Variants in TSPAN18 observed in about 807,000 individuals in gnomAD.
The protein encoded by TSPAN18 is tetraspanin-18.
Under a neutral mutation model 27.3 loss-of-function variants are expected in TSPAN18, and 14 were observed. The observed-to-expected ratio is 0.51, with a 90% CI of 0.34 to 0.80. The LOEUF (loss-of-function observed/expected upper bound fraction) is 0.80. Ranked by LOEUF, TSPAN18 falls within the 30% of genes least tolerant of loss-of-function variation. The pLI, the probability that TSPAN18 is intolerant of heterozygous loss-of-function variation, is 0.01. For synonymous variants in TSPAN18, 143 were observed against 136.5 expected, an observed-to-expected ratio of 1.05 and a Z score of -0.33; for missense variants, 268 against 323.9, an observed-to-expected ratio of 0.83 and a Z score of 1.32.
chr11:44,911,376 A>G (rs934330244), intron 5 of TSPAN18, among the ~76,000 whole-genome samples: 2 of 152,132 alleles, frequency 1.3e-5, no homozygotes, highest in Non-Finnish European at 1.5e-5. Flanking sequence ...TGTCCCGGTG[A>G]GATGCTCCCC....
chr11:44,740,129 A>T (rs1048920959), intron 1 of TSPAN18, among the ~76,000 whole-genome samples: 1 of 152,098 alleles, frequency 6.6e-6, no homozygotes, highest in African/African-American at 2.4e-5. Context: ...GCCCTCTCCG[A>T]TCTCTGCCCG....
Position 44,929,324 on chromosome 11 carries a change from G to C in TSPAN18, c.*146G>C. 1.0e-6 allele frequency: 1 copy of C among 954,106 alleles called. No homozygotes were observed. The highest frequency in any genetic ancestry group is 1.6e-6 in the Non-Finnish European group (1 of 634,526). 59.1% of individuals were successfully genotyped at this position (954,106 alleles called of 1,614,324 possible). A position where few individuals can be genotyped will look rare whatever the true frequency, so the allele number is the denominator to read the frequency against. On this transcript the variant is annotated 3_prime_UTR_variant, in exon 10 of 10. Transcript: ENST00000520358. ...GGCCAGGAGAAGGGCCAGGGGAATA[G>C]AGCTATTTTTTTAACAAAACAAAAT...
intron 4 of TSPAN18, among the ~76,000 whole-genome samples, chr11:44,907,475 G>A (rs1859496207): frequency 6.6e-6 from 1 of 151,984 alleles, no homozygotes; most frequent in African/African-American, 2.4e-5. Flanking sequence ...CTATATCTTT[G>A]TGTCTTTTTA....
chr11:44,775,516 C>T (rs893443521), intron 2 of TSPAN18, among the ~76,000 whole-genome samples: 9 of 152,160 alleles, frequency 5.9e-5, no homozygotes, highest in Non-Finnish European at 1.3e-4. Flanking sequence ...CCCTATAGGT[C>T]CTCTCCAGGC....
chr11:44,913,033 C>G (rs960316924), intron 5 of TSPAN18, among the ~76,000 whole-genome samples: 5 of 152,342 alleles, frequency 3.3e-5, no homozygotes, highest in African/African-American at 1.2e-4. Context: ...AACCACTTCT[C>G]CCTTCCCGGC....
chr11:44,909,956 G>A (rs954399474), intron 5 of TSPAN18, 57 bp downstream of exon 5: 1 of 1,541,514 alleles, frequency 6.5e-7, no homozygotes. Context: ...TCAGGGATTG[G>A]CTGCAGACTC....
chr11:44,745,541 G>C (rs1195262399), intron 1 of TSPAN18, among the ~76,000 whole-genome samples: 1 of 152,208 alleles, frequency 6.6e-6, no homozygotes, highest in Non-Finnish European at 1.5e-5. Context: ...CAACAGTGAT[G>C]ACCTTTGGGC....
intron 3 of TSPAN18, among the ~76,000 whole-genome samples, chr11:44,868,417 G>T (rs969021519): frequency 2.0e-5 from 3 of 152,162 alleles, no homozygotes; most frequent in Admixed American, 2.0e-4. Context: ...AGAGGATCCT[G>T]TCGGGGCCCG....
chr11:44,829,720 A>T (rs1857116257), intron 2 of TSPAN18, among the ~76,000 whole-genome samples: 1 of 152,162 alleles, frequency 6.6e-6, no homozygotes, highest in South Asian at 2.1e-4. Flanking sequence ...TTTTTGGATT[A>T]TACAATAAGG....
At chr11:44,862,311 A>G (rs11038181) in intron 3 of TSPAN18, among the ~76,000 whole-genome samples, 39,015 of 152,160 alleles carry the variant, frequency 0.26, 6,109 homozygotes, top group East Asian at 0.67. Flanking sequence ...TCCTCTGCAG[A>G]AAAAATACCG....
chr11:44,908,812 A>AAAGAAAGG (rs1859590203), intron 4 of TSPAN18, among the ~76,000 whole-genome samples: 2 of 143,696 alleles, frequency 1.4e-5, no homozygotes, highest in East Asian at 4.1e-4. Context: ...AGAAAGAAAG[A>AAAGAAAGG]AAGAAAGAAA....
chr11:44,903,941 A>C (rs1859361359), intron 3 of TSPAN18: 1 of 451,552 alleles, frequency 2.2e-6, no homozygotes, highest in East Asian at 7.0e-5. Context: ...GTTATGAGTT[A>C]GTAAATGTAA....
At chr11:44,892,677 A>G (rs1367640879) in intron 3 of TSPAN18, among the ~76,000 whole-genome samples, 2 of 152,146 alleles carry the variant, frequency 1.3e-5, no homozygotes, top group South Asian at 2.1e-4. Context: ...GCCCCGGTCT[A>G]TGGGGGATGG....
chr11:44,919,699 G>T, intron 7 of TSPAN18, 118 bp from the exon 8 acceptor site: 1 of 1,029,340 alleles, frequency 9.7e-7, no homozygotes, highest in Non-Finnish European at 1.5e-6. Flanking sequence ...GACAGGTGGA[G>T]CCCGCCCACA....
In TSPAN18 at chr11:44,859,256, C is replaced by G. The variant is rs1471559408; in HGVS notation, c.-152-1072C>G. Among the ~76,000 whole-genome samples, 5 of 152,272 alleles carry G rather than the reference C, an allele frequency of 3.3e-5. No individual in the cohort carries two copies. The South Asian group carries it at 1.0e-3, about 32-fold the overall frequency. ...GAGATGCTGTTTGTCTAAAGTCTTG[C>G]CAGAACACAAGGCAACCCCAAGTCT... is the stretch of plus-strand genomic sequence containing the variant. On this transcript the variant is annotated intron_variant, in intron 2 of 9. Transcript: ENST00000520358.
intron 3 of TSPAN18, among the ~76,000 whole-genome samples, chr11:44,887,101 A>G (rs1858682461): frequency 6.6e-6 from 1 of 152,182 alleles, no homozygotes; most frequent in Non-Finnish European, 1.5e-5. Flanking sequence ...TTTATTTTTT[A>G]TTATCTGACT....
At chr11:44,897,325 G>C (rs1272328949) in intron 3 of TSPAN18, among the ~76,000 whole-genome samples, 1 of 152,158 alleles carries the variant, frequency 6.6e-6, no homozygotes. Flanking sequence ...CTGGGTTTTG[G>C]GGGAGGAAGT....
intron 2 of TSPAN18, among the ~76,000 whole-genome samples, chr11:44,786,666 C>CT (rs1856066165): frequency 7.6e-6 from 1 of 131,234 alleles, no homozygotes; most frequent in African/African-American, 2.9e-5. Flanking sequence ...GAGTTTCACT[C>CT]TGTTGCCCAG....
At chr11:44,777,481 C>G (rs774894614) in intron 2 of TSPAN18, among the ~76,000 whole-genome samples, 1 of 152,128 alleles carries the variant, frequency 6.6e-6, no homozygotes, top group African/African-American at 2.4e-5. Context: ...TCCCAGGACC[C>G]CTCCGGAATT....
Sources: gnomAD v4.1 joint callset for allele counts (sites outside exome capture counted in the v4.1 genomes callset) on GRCh38, gnomAD v4.1.1 for gene constraint, MANE v1.5 for transcripts, NCBI Gene and HGNC (gene_info 2026-07-23, HGNC 2026-07-21) for gene names.